CDKL5: variants seen among roughly 807,000 people sequenced by gnomAD.
CDKL5 encodes the protein cyclin-dependent kinase-like 5.
Under a neutral mutation model 61.7 loss-of-function variants are expected in CDKL5, and 8 were observed. That is an observed-to-expected ratio of 0.13 (90% CI 0.08 to 0.23). The LOEUF is 0.23. Ranked by LOEUF, CDKL5 falls within the 10% of genes least tolerant of loss-of-function variation. The pLI is 1.00. For synonymous variants in CDKL5, 275 were observed against 272.3 expected (o/e 1.01, Z -0.10); for missense variants, 440 against 734.5 (o/e 0.60, Z 4.63).
At position 18,629,662 on chromosome X, in the gene CDKL5, G is replaced by A. The variant is rs1038576800; in HGVS notation, c.*905G>A. 8 of 752,058 alleles carry A rather than the reference G, an allele frequency of 1.1e-5. No individual in the cohort carries two copies. The highest frequency in any genetic ancestry group is 7.4e-4 in the Middle Eastern group (1 of 1,344). 62.0% of individuals were successfully genotyped at this position (752,058 alleles called of 1,213,427 possible). A position where few individuals can be genotyped will look rare whatever the true frequency, so the allele number is the denominator to read the frequency against. ...GGCCCCAGCAGTAGCCTCTAGACAT[G>A]ATCCTTGGTAGCAGACGAGATGCAG... On this transcript the variant is annotated 3_prime_UTR_variant, in exon 18 of 18. Transcript: ENST00000623535.
At chrX:18,505,148 C>T (rs937296304) in intron 1 of CDKL5, among the ~76,000 whole-genome samples, 1 of 111,007 alleles carries the variant, frequency 9.0e-6, no homozygotes. Flanking sequence ...TTCCTATACC[C>T]TTGACCTAGA....
At chrX:18,479,513 G>A (rs1394534463) in intron 1 of CDKL5, among the ~76,000 whole-genome samples, 1 of 108,759 alleles carries the variant, frequency 9.2e-6, no homozygotes, top group Non-Finnish European at 1.9e-5. Flanking sequence ...TAGAGACGGG[G>A]TTTCACTGTG....
intron 1 of CDKL5, among the ~76,000 whole-genome samples, chrX:18,487,965 T>C (rs944170431): frequency 3.6e-5 from 4 of 111,342 alleles, no homozygotes; most frequent in Non-Finnish European, 5.7e-5. Flanking sequence ...GAAAAAATTA[T>C]TTGTTTGAGC....
rs1926886469 is a variant in CDKL5 at position 18,621,455 on chromosome X, A to G, written c.2376+1489A>G. 2.7e-5 allele frequency among the ~76,000 whole-genome samples: 3 copies of G among 112,060 alleles called. No homozygotes were observed. In the Admixed American group the frequency reaches 2.8e-4, roughly 11 times the overall value. On this transcript the variant is annotated intron_variant, in intron 16 of 17. Transcript: ENST00000623535. Reference sequence around the variant, plus strand: ...AAGAAAAAGATCGTTTTAAATCTTAATACCCTACCACAACTAGTATTAGGA... The same window carrying G: ...AAGAAAAAGATCGTTTTAAATCTTAGTACCCTACCACAACTAGTATTAGGA...
intron 1 of CDKL5, among the ~76,000 whole-genome samples, chrX:18,446,072 A>T (rs1252105799): frequency 9.1e-6 from 1 of 109,635 alleles, no homozygotes; most frequent in African/African-American, 3.3e-5. Context: ...AGTTAAGAAC[A>T]AGAAAGTAGG....
At chrX:18,568,910 G>C (rs1437524723) in intron 4 of CDKL5, among the ~76,000 whole-genome samples, 2 of 110,996 alleles carry the variant, frequency 1.8e-5, no homozygotes, top group Non-Finnish European at 3.8e-5. Context: ...GCTCAGGCTG[G>C]TCTCAAACTC....
At chrX:18,584,926 G>A (rs774050432) in intron 8 of CDKL5, among the ~76,000 whole-genome samples, 1 of 112,208 alleles carries the variant, frequency 8.9e-6, no homozygotes, top group Non-Finnish European at 1.9e-5. Context: ...AATGGTATAT[G>A]TATGGAAATG....
At chrX:18,608,749 A>G (rs1374028201) in intron 12 of CDKL5, 62 bp from the exon 13 acceptor site, 53 of 749,584 alleles carry the variant, frequency 7.1e-5, no homozygotes, top group Non-Finnish European at 1.1e-4. Context: ...AATAAAGGCC[A>G]TGATGAGTTC....
chrX:18,649,079 G>T, intron 20 of CDKL5, among the ~76,000 whole-genome samples: 1 of 107,449 alleles, frequency 9.3e-6, no homozygotes, highest in Middle Eastern at 4.7e-3. Context: ...AGAGACCTTA[G>T]CCTTGATAAC....
At chrX:18,642,275 A>G (rs1569228696), downstream of CDKL5, 23 of 786,119 alleles carry the variant, frequency 2.9e-5, no homozygotes, top group Admixed American at 1.2e-4. Context: ...TAGTTAAAGC[A>G]GTTTGCGGGT....
At position 18,634,756 on chromosome X, in the gene CDKL5, A is replaced by T; in HGVS notation, c.*5999A>T. The T allele has an allele frequency of 1.3e-6, 1 of 753,137 alleles. No individual in the cohort carries two copies. The highest frequency in any genetic ancestry group is 1.6e-6 in the Non-Finnish European group (1 of 638,986). The allele number at this position is 753,137 out of a possible 1,213,427, so 62.1% of individuals were successfully genotyped here. A position where few individuals can be genotyped will look rare whatever the true frequency, so the allele number is the denominator to read the frequency against. Reference sequence around the variant, plus strand: ...TAACAGAAACAATTAAACCAAACAAAATCATTGCCCCAAATTTCTATCTCC... The same window carrying T: ...TAACAGAAACAATTAAACCAAACAATATCATTGCCCCAAATTTCTATCTCC... On this transcript the variant is annotated 3_prime_UTR_variant, in exon 18 of 18. Transcript: ENST00000623535.
intron 20 of CDKL5, among the ~76,000 whole-genome samples, chrX:18,648,301 C>T (rs77027681): frequency 0.1 from 11,512 of 109,738 alleles, 498 homozygotes; most frequent in Middle Eastern, 0.14. Flanking sequence ...CAGTGCGGTG[C>T]TGCTATGTCA....
chrX:18,452,299 A>G (rs1932037502), intron 1 of CDKL5, among the ~76,000 whole-genome samples: 1 of 112,403 alleles, frequency 8.9e-6, no homozygotes, highest in Non-Finnish European at 1.9e-5. Flanking sequence ...AGATAGTGAA[A>G]TATGGTCTTT....
chrX:18,561,895 T>G (rs1924818175), intron 3 of CDKL5, among the ~76,000 whole-genome samples: 1 of 111,805 alleles, frequency 8.9e-6, no homozygotes, highest in Non-Finnish European at 1.9e-5. Context: ...ATGCTCAGGC[T>G]AAGTAAGGAC....
At position 18,575,424 on chromosome X, in the gene CDKL5, T is replaced by A. The variant is rs267608439; in HGVS notation, c.216T>A (p.Ile72=). 3.3e-6 allele frequency: 4 copies of A among 1,209,127 alleles called. No individual in the cohort carries two copies. The highest frequency in any genetic ancestry group is 2.2e-5 in the Admixed American group (1 of 46,007). Residue 72 remains isoleucine, a synonymous_variant, in exon 5 of 18, where the codon ATT becomes ATA. Transcript: ENST00000623535. The part of the protein sequence containing the change: ...KMLRTLKQEN[I]VELKEAFRRR... ...TTCGGACTCTCAAGCAGGAAAACATTGTGGAGTTGAAGGAAGCATTTCGTC... is the reference window on the plus strand; with the variant it reads ...TTCGGACTCTCAAGCAGGAAAACATAGTGGAGTTGAAGGAAGCATTTCGTC...
chrX:18,553,579 G>A, intron 3 of CDKL5, among the ~76,000 whole-genome samples: 1 of 109,226 alleles, frequency 9.2e-6, no homozygotes, highest in Non-Finnish European at 1.9e-5. Flanking sequence ...TGCAACCTCC[G>A]CCTCCTGGAT....
chrX:18,461,807 TCCTAA>T (rs1345542801), intron 1 of CDKL5, among the ~76,000 whole-genome samples: 1 of 112,355 alleles, frequency 8.9e-6, no homozygotes, highest in Non-Finnish European at 1.9e-5. Context: ...AGAATGAATC[TCCTAA>T]CCTCTTGACC....
intron 3 of CDKL5, among the ~76,000 whole-genome samples, chrX:18,557,136 G>T (rs907463986): frequency 9.9e-5 from 11 of 111,443 alleles, no homozygotes; most frequent in Admixed American, 1.9e-4. Context: ...ATTAGAAAAT[G>T]AATTGTAGAC....
chrX:18,498,696 G>C (rs970052048), intron 1 of CDKL5, among the ~76,000 whole-genome samples: 2 of 112,278 alleles, frequency 1.8e-5, no homozygotes, highest in African/African-American at 6.5e-5. Context: ...CCAAACATAA[G>C]AATTATTTTC....
Sources: gnomAD v4.1 joint callset for allele counts (sites outside exome capture counted in the v4.1 genomes callset) on GRCh38, gnomAD v4.1.1 for gene constraint, MANE v1.5 for transcripts, NCBI Gene and HGNC (gene_info 2026-07-23, HGNC 2026-07-21) for gene names.